Variants in GATAD2B observed in about 807,000 individuals in gnomAD.
GATAD2B encodes GATA zinc finger domain containing 2B.
In GATAD2B, 8 loss-of-function variants were observed where a neutral mutation model predicts 64.3. The observed-to-expected ratio is 0.12, with a 90% CI of 0.07 to 0.22. GATAD2B has a LOEUF of 0.22. GATAD2B is among the 10% of genes least tolerant of loss of function. GATAD2B has a pLI of 1.00. For synonymous variants in GATAD2B, 281 were observed against 271.3 expected, an observed-to-expected ratio of 1.04 and a Z score of -0.35; for missense variants, 453 against 752.0, an observed-to-expected ratio of 0.60 and a Z score of 4.65.
intron 1 of GATAD2B, among the ~76,000 whole-genome samples, chr1:153,836,270 T>TC (rs1236824476): frequency 8.6e-5 from 13 of 150,536 alleles, no homozygotes; most frequent in Admixed American, 4.0e-4. Context: ...TTTGTTTTTT[T>TC]TTTTTTTTTT....
chr1:153,826,348 G>A (rs1674878694), intron 2 of GATAD2B, among the ~76,000 whole-genome samples: 1 of 152,110 alleles, frequency 6.6e-6, no homozygotes, highest in South Asian at 2.1e-4. Flanking sequence ...GCTAGGGTTG[G>A]CTGGGTGTGA....
At position 153,808,166 on chromosome 1, in the gene GATAD2B, C is replaced by T. The variant is rs547233449; in HGVS notation, c.*2011G>A. 1 of 152,696 alleles carries T rather than the reference C, an allele frequency of 6.5e-6. No homozygotes were observed. Among genetic ancestry groups the T allele is most frequent in the African/African-American group, 2.4e-5 (1 of 41,536 alleles). The allele number at this position is 152,696 out of a possible 1,614,324, so 9.5% of individuals were successfully genotyped here. A position where few individuals can be genotyped will look rare whatever the true frequency, so the allele number is the denominator to read the frequency against. On this transcript the variant is annotated 3_prime_UTR_variant, in exon 11 of 11. Transcript: ENST00000368655. ...GGGTACCACATTCCCCGGAAAAATA[C>T]TCAAAAAACCCAATCACTACCTGTT...
chr1:153,815,957 G>A (rs1157943353), intron 7 of GATAD2B, among the ~76,000 whole-genome samples: 2 of 152,160 alleles, frequency 1.3e-5, no homozygotes, highest in Non-Finnish European at 2.9e-5. Context: ...GGAGGCTGAG[G>A]CAGGAGAATT....
chr1:153,846,749 C>CG (rs1675703016), intron 1 of GATAD2B, among the ~76,000 whole-genome samples: 1 of 151,418 alleles, frequency 6.6e-6, no homozygotes, highest in East Asian at 1.9e-4. Context: ...TTAGTAGAGA[C>CG]GGGGTTTCAC....
intron 1 of GATAD2B, among the ~76,000 whole-genome samples, chr1:153,910,323 G>A (rs190282316): frequency 6.6e-6 from 1 of 152,246 alleles, no homozygotes; most frequent in Non-Finnish European, 1.5e-5. Flanking sequence ...TCGACTTTAC[G>A]ATGGTGTGAA....
In GATAD2B at chr1:153,810,043, G is replaced by T. The variant is rs1196955525; in HGVS notation, c.*134C>A. ...GTTTTCTTGCTGATCTCTATTTTTT[G>T]TCTTCTGTTTTTCTGTTTTGCTTTC... On this transcript the variant is annotated 3_prime_UTR_variant, in exon 11 of 11. Transcript: ENST00000368655. 2.5e-6 allele frequency: 2 copies of T among 814,632 alleles called. No individual in the cohort carries two copies. Among genetic ancestry groups the T allele is most frequent in the Non-Finnish European group, 3.8e-6 (2 of 521,164 alleles). The allele number at this position is 814,632 out of a possible 1,614,324, so 50.5% of individuals were successfully genotyped here.
At chr1:153,827,215 C>T (rs1674914537) in intron 2 of GATAD2B, among the ~76,000 whole-genome samples, 2 of 145,274 alleles carry the variant, frequency 1.4e-5, no homozygotes, top group Admixed American at 1.4e-4. Flanking sequence ...CACTACACGC[C>T]AGCCTAGGCA....
At chr1:153,852,851 G>T in intron 1 of GATAD2B, 1 of 797,358 alleles carries the variant, frequency 1.3e-6, no homozygotes, top group African/African-American at 1.7e-5. Flanking sequence ...CCAGTGAGAG[G>T]GAGGTACTGT....
chr1:153,909,373 C>A (rs1160324824), intron 1 of GATAD2B, among the ~76,000 whole-genome samples: 1 of 151,836 alleles, frequency 6.6e-6, no homozygotes, highest in Non-Finnish European at 1.5e-5. Context: ...ACCACCATGA[C>A]GACTAATTTT....
At chr1:153,910,848 C>T (rs1201116424) in intron 1 of GATAD2B, among the ~76,000 whole-genome samples, 1 of 152,150 alleles carries the variant, frequency 6.6e-6, no homozygotes, top group Non-Finnish European at 1.5e-5. Flanking sequence ...TTAAGGTAAG[C>T]TAGGCTAAGC....
At chr1:153,876,773 C>A (rs184972746) in intron 1 of GATAD2B, among the ~76,000 whole-genome samples, 1 of 152,162 alleles carries the variant, frequency 6.6e-6, no homozygotes, top group South Asian at 2.1e-4. Flanking sequence ...GAGGCCAAGG[C>A]GGGCAGATCA....
At chr1:153,886,451 T>C (rs1570989205) in intron 1 of GATAD2B, 1 of 151,956 alleles carries the variant, frequency 6.6e-6, no homozygotes, top group Non-Finnish European at 1.5e-5. Context: ...ACGTGAGGCA[T>C]GACTGTATAT....
chr1:153,872,602 G>A (rs530383174), intron 1 of GATAD2B, among the ~76,000 whole-genome samples: 5 of 151,044 alleles, frequency 3.3e-5, no homozygotes, highest in Admixed American at 1.3e-4. Flanking sequence ...CCGTCTCATG[G>A]TGGAGTATAT....
At chr1:153,907,371 G>A (rs1201413521) in intron 1 of GATAD2B, among the ~76,000 whole-genome samples, 1 of 152,160 alleles carries the variant, frequency 6.6e-6, no homozygotes, top group African/African-American at 2.4e-5. Flanking sequence ...AAATCATGAA[G>A]ATATTTTCAG....
intron 1 of GATAD2B, among the ~76,000 whole-genome samples, chr1:153,859,711 T>G (rs900273075): frequency 6.6e-6 from 1 of 151,744 alleles, no homozygotes; most frequent in African/African-American, 2.4e-5. Context: ...TAGACATTAC[T>G]TTTATGAATA....
At chr1:153,827,523 A>G (rs963734459) in intron 2 of GATAD2B, 29 of 158,694 alleles carry the variant, frequency 1.8e-4, no homozygotes, top group Admixed American at 3.1e-4. Context: ...AGCTGGGGGA[A>G]GTGGTACAGA....
chr1:153,863,715 C>T (rs1179186448), intron 1 of GATAD2B, among the ~76,000 whole-genome samples: 3 of 151,860 alleles, frequency 2.0e-5, no homozygotes, highest in African/African-American at 4.8e-5. Context: ...CCTCCGCCTC[C>T]CAAGTTCAAG....
chr1:153,901,876 G>A (rs948331665), intron 1 of GATAD2B, among the ~76,000 whole-genome samples: 8 of 149,542 alleles, frequency 5.3e-5, no homozygotes, highest in Admixed American at 4.1e-4. Flanking sequence ...TGGCCCTGGT[G>A]TCTACAGCCA....
At position 153,855,883 on chromosome 1, in the gene GATAD2B, A is replaced by G. The variant is rs183143143; in HGVS notation, c.-1-27535T>C. On this transcript the variant is annotated intron_variant, in intron 1 of 10. Transcript: ENST00000368655. The stretch of plus-strand genomic sequence containing the variant: ...TTTTTTGTAAAGATGGGTTTTTGCC[A>G]TGTTGCCCAGGCTGGTCTCGAACTC... Among the ~76,000 whole-genome samples the G allele has an allele frequency of 6.0e-3, 915 of 152,042 alleles. 8 individuals carry two copies. The highest frequency in any genetic ancestry group is 8.7e-3 in the Non-Finnish European group (590 of 67,964).
Sources: gnomAD v4.1 joint callset for allele counts (sites outside exome capture counted in the v4.1 genomes callset) on GRCh38, gnomAD v4.1.1 for gene constraint, MANE v1.5 for transcripts, NCBI Gene and HGNC (gene_info 2026-07-23, HGNC 2026-07-21) for gene names.